The following PLEKHA1 variants were observed in gnomAD, a reference collection of about 807,000 sequenced individuals.
The protein encoded by PLEKHA1 is pleckstrin homology domain-containing family A member 1.
PLEKHA1 carries 34 observed loss-of-function variants against 52.0 expected under a neutral mutation model. That is an observed-to-expected ratio of 0.65 (90% CI 0.50 to 0.87). The LOEUF (loss-of-function observed/expected upper bound fraction) is 0.87. Among genes scored for constraint, PLEKHA1 ranks in the 40% least tolerant of loss-of-function variants. The pLI, the probability that PLEKHA1 is intolerant of heterozygous loss-of-function variation, is 0.00. For synonymous variants in PLEKHA1, 163 were observed against 170.7 expected (o/e 0.95, Z 0.35); for missense variants, 497 against 504.2 (o/e 0.99, Z 0.14).
At chr10:122,392,902 G>C (rs2096796328) in intron 1 of PLEKHA1, among the ~76,000 whole-genome samples, 1 of 152,060 alleles carries the variant, frequency 6.6e-6, no homozygotes, top group African/African-American at 2.4e-5. Context: ...TGGCTCACCT[G>C]GGGTTTTTTT....
downstream of PLEKHA1, chr10:122,435,181 C>A (rs2097433642): frequency 6.6e-6 from 1 of 152,042 alleles, no homozygotes; most frequent in African/African-American, 2.4e-5. Context: ...ATATTTGTAT[C>A]AAAAATGCAA....
At chr10:122,399,158 C>CA (rs1302675689) in intron 3 of PLEKHA1, among the ~76,000 whole-genome samples, 3 of 150,510 alleles carry the variant, frequency 2.0e-5, no homozygotes, top group Non-Finnish European at 3.0e-5. Context: ...ACTTTTTTTC[C>CA]AAAAAAAAAT....
At chr10:122,432,773 A>G (rs1347817045), downstream of PLEKHA1, 3 of 152,174 alleles carry the variant, frequency 2.0e-5, no homozygotes, top group Admixed American at 2.0e-4. Flanking sequence ...GTCGGGTGTT[A>G]GAGGCTGCTC....
chr10:122,393,147 T>C lies in PLEKHA1; in HGVS notation c.-20-34T>C. The C allele has an allele frequency of 6.6e-7, 1 of 1,515,442 alleles. No individual in the cohort carries two copies. Among genetic ancestry groups the C allele is most frequent in the Non-Finnish European group, 8.9e-7 (1 of 1,127,342 alleles). The allele number at this position is 1,515,442 out of a possible 1,614,324, so 93.9% of individuals were successfully genotyped here. On this transcript the variant is annotated intron_variant, in intron 1 of 11. Coordinates refer to ENST00000368990, the MANE Select transcript of PLEKHA1 (RefSeq NM_001001974.4). This position sits in a 1 kb window ranked among gnomAD's most constrained non-coding sequence, Gnocchi z 4.5. ...CCATGAGAAATACTTTCCTGTTTCA[T>C]AGGGAGCTTACTGTTAATATTTTTA...
At chr10:122,401,009 G>A (rs1186421649) in intron 4 of PLEKHA1, among the ~76,000 whole-genome samples, 2 of 152,186 alleles carry the variant, frequency 1.3e-5, no homozygotes, top group Non-Finnish European at 2.9e-5. Context: ...TCTTTATTGG[G>A]GAGCTCAGGA....
At chr10:122,397,110 C>G (rs1464363173) in intron 2 of PLEKHA1, among the ~76,000 whole-genome samples, 7 of 152,050 alleles carry the variant, frequency 4.6e-5, no homozygotes, top group Non-Finnish European at 1.5e-5. Context: ...CATAGCCCCC[C>G]TCTCTCTTTC....
At chr10:122,424,835 A>C in intron 9 of PLEKHA1, 61 bp from the exon 10 acceptor site, 1 of 1,440,900 alleles carries the variant, frequency 6.9e-7, no homozygotes, top group East Asian at 2.3e-5. Context: ...CTGGGTAAAC[A>C]AATGAAAGAG....
intron 1 of PLEKHA1, among the ~76,000 whole-genome samples, chr10:122,379,953 A>C (rs1265504162): frequency 6.6e-6 from 1 of 152,220 alleles, no homozygotes; most frequent in Non-Finnish European, 1.5e-5. Flanking sequence ...GATTTGTAAG[A>C]TCTAACTATA....
At chr10:122,427,086 A>G (rs775164068) in intron 11 of PLEKHA1, 55 bp downstream of exon 11, 7 of 1,484,240 alleles carry the variant, frequency 4.7e-6, no homozygotes, top group African/African-American at 1.4e-5. Context: ...CATCCTATCA[A>G]ATTTCCTCTC....
chr10:122,411,564 C>G (rs2097106930), intron 5 of PLEKHA1, among the ~76,000 whole-genome samples: 1 of 152,130 alleles, frequency 6.6e-6, no homozygotes, highest in East Asian at 1.9e-4. Context: ...ACTCCTGCCT[C>G]AAAAATGTCT....
chr10:122,429,492 CTTTGTGTGTGTG>C, intron 11 of PLEKHA1, 120 bp from the exon 12 acceptor site: 1 of 725,362 alleles, frequency 1.4e-6, no homozygotes, highest in Non-Finnish European at 2.0e-6. Flanking sequence ...CTGCTGCTGC[CTTTGTGTGTGTG>C]TGTGTGTGTG....
chr10:122,375,646 C>T (rs2096522715), intron 1 of PLEKHA1, among the ~76,000 whole-genome samples: 2 of 152,142 alleles, frequency 1.3e-5, no homozygotes, highest in Non-Finnish European at 2.9e-5. Context: ...ATAGTGTTTA[C>T]CGCCTTTGGT....
In PLEKHA1 at chr10:122,424,240, TA is replaced by T; in HGVS notation, c.726del (p.Val243SerfsTer9). Reference sequence around the variant, plus strand: ...GTGTAATACCACTTAAAGAGGTTCATAAAGTCCAGGAATGTAAGCAAAGGTA... The same window carrying T: ...GTGTAATACCACTTAAAGAGGTTCATAAGTCCAGGAATGTAAGCAAAGGTA... ...LRVIPLKEVHKVQECKQSDIM... is the reference protein window; with the variant it reads ...LRVIPLKEVHXVQECKQSDIM... On this transcript the variant is annotated frameshift_variant, in exon 9 of 12. Coordinates refer to ENST00000368990, the MANE Select transcript of PLEKHA1 (RefSeq NM_001001974.4). LOFTEE classifies it high-confidence loss of function. 6.3e-7 allele frequency: 1 copy of T among 1,584,834 alleles called. No homozygotes were observed. The highest frequency in any genetic ancestry group is 8.6e-7 in the Non-Finnish European group (1 of 1,168,226).
chr10:122,390,795 C>G (rs12242543), intron 1 of PLEKHA1, among the ~76,000 whole-genome samples: 1 of 147,012 alleles, frequency 6.8e-6, no homozygotes, highest in Non-Finnish European at 1.5e-5. Flanking sequence ...CACAGTAAAA[C>G]GAGGTGTGTG....
At chr10:122,411,563 T>G (rs7084703) in intron 5 of PLEKHA1, among the ~76,000 whole-genome samples, 1 of 152,138 alleles carries the variant, frequency 6.6e-6, no homozygotes, top group Non-Finnish European at 1.5e-5. Context: ...AACTCCTGCC[T>G]CAAAAATGTC....
chr10:122,402,438 GC>G (rs1447347278), intron 4 of PLEKHA1, among the ~76,000 whole-genome samples: 1 of 152,198 alleles, frequency 6.6e-6, no homozygotes, highest in Non-Finnish European at 1.5e-5. Flanking sequence ...AAACGTGCAA[GC>G]CATTTTTGAT....
intron 4 of PLEKHA1, among the ~76,000 whole-genome samples, chr10:122,404,196 G>T (rs1449074327): frequency 6.6e-6 from 1 of 152,162 alleles, no homozygotes; most frequent in African/African-American, 2.4e-5. Flanking sequence ...GATATTGCTT[G>T]TAAGTGCATA....
At position 122,413,049 on chromosome 10, in the gene PLEKHA1, A is replaced by G. The variant is rs1461361237; in HGVS notation, c.468+4A>G. ...ACCCATCATTACTCCCACTCAGGTA[A>G]TTAAGTAACTCTTCTATTGTGTGAG... On this transcript the variant is annotated splice_donor_region_variant and intron_variant, in intron 6 of 11. Transcript: ENST00000368990. The G allele has an allele frequency of 1.9e-6, 3 of 1,610,692 alleles. No individual in the cohort carries two copies. Among genetic ancestry groups the G allele is most frequent in the Admixed American group, 1.7e-5 (1 of 59,902 alleles).
intron 1 of PLEKHA1, among the ~76,000 whole-genome samples, chr10:122,375,888 A>G (rs945104482): frequency 6.6e-6 from 1 of 152,164 alleles, no homozygotes; most frequent in African/African-American, 2.4e-5. Flanking sequence ...TCTTTGTTTT[A>G]ATGAAGTCAT....
Sources: gnomAD v4.1 joint callset for allele counts (sites outside exome capture counted in the v4.1 genomes callset) on GRCh38, gnomAD v4.1.1 for gene constraint, Gnocchi (gnomAD v3.1) non-coding constraint, MANE v1.5 for transcripts, NCBI Gene and HGNC (gene_info 2026-07-23, HGNC 2026-07-21) for gene names.